Variants in MPIG6B observed in about 807,000 individuals in gnomAD.
MPIG6B encodes immunoglobulin receptor.
Under a neutral mutation model 24.2 loss-of-function variants are expected in MPIG6B, and 22 were observed. The ratio of observed to expected loss-of-function variants is 0.91; its 90% CI spans 0.65 to 1.30. The LOEUF (loss-of-function observed/expected upper bound fraction) is 1.30. Among genes scored for constraint, MPIG6B ranks in the 50% most tolerant of loss-of-function variants. MPIG6B has a pLI of 0.00. For synonymous variants in MPIG6B, 136 were observed against 142.0 expected (o/e 0.96, Z 0.30); for missense variants, 301 against 318.5 (o/e 0.94, Z 0.42).
upstream of MPIG6B, chr6:31,720,304 G>A (rs952053952): frequency 7.8e-6 from 6 of 767,118 alleles, no homozygotes; most frequent in Admixed American, 2.1e-5. The surrounding 1 kb of genome is among the most constrained non-coding windows in gnomAD (Gnocchi z 4.9). Flanking sequence ...AGCCCATCCC[G>A]TAGGTGCTCC....
upstream of MPIG6B, chr6:31,721,855 A>G: frequency 1.6e-6 from 1 of 642,342 alleles, no homozygotes; most frequent in South Asian, 1.9e-5. Context: ...GAGAAAAGAC[A>G]AGGGGTGGGA....
In MPIG6B at chr6:31,723,678, C is replaced by G; in HGVS notation, c.101C>G (p.Ser34Cys). The G allele has an allele frequency of 6.3e-7, 1 of 1,599,872 alleles. No homozygotes were observed. Among genetic ancestry groups the G allele is most frequent in the Non-Finnish European group, 8.5e-7 (1 of 1,173,838 alleles). ...DGRPGDRVNLSCGGVSHPIRW... is the reference protein window; with the variant it reads ...DGRPGDRVNLCCGGVSHPIRW... ...CGCCCTGGGGACCGGGTGAATCTCT[C>G]CTGCGGAGGAGTCTCTCATCCCATC... Residue 34 changes from serine (S) to cysteine (C), a missense_variant, in exon 2 of 6, where the codon TCC becomes TGC. Physicochemically the swap from Ser to Cys is moderately radical, Grantham distance 112. Coordinates refer to ENST00000649779, the MANE Select transcript of MPIG6B (RefSeq NM_138272.3). This position sits in a 1 kb window ranked among gnomAD's most constrained non-coding sequence, Gnocchi z 4.3.
At chr6:31,723,254 G>GC, upstream of MPIG6B, 2 of 731,918 alleles carry the variant, frequency 2.7e-6, no homozygotes, top group Admixed American at 2.1e-5. This position sits in a 1 kb window ranked among gnomAD's most constrained non-coding sequence, Gnocchi z 4.3. Context: ...GCAGCTGGTG[G>GC]CCCCGCCCCC....
In MPIG6B at chr6:31,725,112, T is replaced by C; in HGVS notation, c.*38T>C. On this transcript the variant is annotated 3_prime_UTR_variant, in exon 6 of 6. Transcript: ENST00000649779. The surrounding 1 kb of genome is among the most constrained non-coding windows in gnomAD (Gnocchi z 5.2). ...ACTCCAAACCTCCCAAGCTAGGGGA[T>C]CCCAGCTCCCCATAATCCCTCTCCC... The C allele has an allele frequency of 7.0e-7, 1 of 1,437,410 alleles. No individual in the cohort carries two copies. The highest frequency in any genetic ancestry group is 1.1e-5 in the South Asian group (1 of 87,100). The allele number at this position is 1,437,410 out of a possible 1,614,324, so 89.0% of individuals were successfully genotyped here.
In MPIG6B at chr6:31,724,639, T is replaced by TCCACC. The variant is rs1279614754; in HGVS notation, c.541+16_541+20dup. ...ACTCCCTAGATTTGGTGAGACTAATTCCACCCCATTTTCTTTCTCCTACAT... is the reference window on the plus strand; with the variant it reads ...ACTCCCTAGATTTGGTGAGACTAATTCCACCCCACCCCATTTTCTTTCTCCTACAT... On this transcript the variant is annotated intron_variant, in intron 4 of 5. Coordinates refer to ENST00000649779, the MANE Select transcript of MPIG6B (RefSeq NM_138272.3). 6.2e-7 allele frequency: 1 copy of TCCACC among 1,612,900 alleles called. No homozygotes were observed. Among genetic ancestry groups the TCCACC allele is most frequent in the Non-Finnish European group, 8.5e-7 (1 of 1,178,962 alleles).
upstream of MPIG6B, chr6:31,723,268 C>G: frequency 1.3e-6 from 1 of 744,934 alleles, no homozygotes. This position sits in a 1 kb window ranked among gnomAD's most constrained non-coding sequence, Gnocchi z 4.3. Context: ...CGCCCCCTCT[C>G]TTATCGGAGC....
Position 31,723,914 on chromosome 6 carries a change from G to C in MPIG6B, c.337G>C (p.Glu113Gln). ...SGTFFCKGRH[E>Q]DESRTVLHVL... ...CACTTTTTTCTGCAAGGGCCGCCACGAGGACGAGAGCCGTACAGTGCTTCA... is the reference window on the plus strand; with the variant it reads ...CACTTTTTTCTGCAAGGGCCGCCACCAGGACGAGAGCCGTACAGTGCTTCA... The change falls in exon 2 of 6, where the codon GAG (glutamate) becomes CAG (glutamine). Residue 113 changes from glutamate to glutamine, a missense_variant. Coordinates refer to ENST00000649779, the MANE Select transcript of MPIG6B (RefSeq NM_138272.3). This position sits in a 1 kb window ranked among gnomAD's most constrained non-coding sequence, Gnocchi z 4.3. 1 of 1,596,636 alleles carries C rather than the reference G, an allele frequency of 6.3e-7. No individual in the cohort carries two copies.
At position 31,723,423 on chromosome 6, in the gene MPIG6B, A is replaced by G; in HGVS notation, c.40A>G (p.Arg14Gly). Residue 14 changes from arginine (R) to glycine (G), a missense_variant, in exon 1 of 6, where the codon AGG becomes GGG. Transcript: ENST00000649779. This position sits in a 1 kb window ranked among gnomAD's most constrained non-coding sequence, Gnocchi z 4.3. ...GCAGCTGCTACCGCTGCTGCTCTCG[A>G]GGGCCCAAGGGAACCCTGGGGGTAA... is the stretch of plus-strand genomic sequence containing the variant. ...FLQLLPLLLSRAQGNPGASLD... is the reference protein window; with the variant it reads ...FLQLLPLLLSGAQGNPGASLD... The G allele has an allele frequency of 6.2e-7, 1 of 1,612,930 alleles. No homozygotes were observed.
At chr6:31,721,240 C>T (rs1806763074), upstream of MPIG6B, among the ~76,000 whole-genome samples, 1 of 152,060 alleles carries the variant, frequency 6.6e-6, no homozygotes, top group African/African-American at 2.4e-5. Context: ...GAGAGGACAC[C>T]TTACTGAGCA....
chr6:31,725,359 C>A lies in MPIG6B; in HGVS notation c.*285C>A, dbSNP rs1365358106. On this transcript the variant is annotated 3_prime_UTR_variant, in exon 6 of 6. Coordinates refer to ENST00000649779, the MANE Select transcript of MPIG6B (RefSeq NM_138272.3). The surrounding 1 kb of genome is among the most constrained non-coding windows in gnomAD (Gnocchi z 5.2). ...TTTTTTTTTTTTTGAGACGGAGTCT[C>A]GCTCTGTTGCCCAGGCTGGAGTGCA... 18 of 383,710 alleles carry A rather than the reference C, an allele frequency of 4.7e-5. No individual in the cohort carries two copies. The highest frequency in any genetic ancestry group is 7.4e-5 in the Non-Finnish European group (16 of 215,026). 23.8% of individuals were successfully genotyped at this position (383,710 alleles called of 1,614,324 possible). A position where few individuals can be genotyped will look rare whatever the true frequency, so the allele number is the denominator to read the frequency against.
rs561750600 is a variant in MPIG6B at position 31,726,133 on chromosome 6, C to G, written c.*1059C>G. 6.5e-6 allele frequency: 1 copy of G among 152,742 alleles called. No individual in the cohort carries two copies. Among genetic ancestry groups the G allele is most frequent in the Admixed American group, 6.5e-5 (1 of 15,312 alleles). 9.5% of individuals were successfully genotyped at this position (152,742 alleles called of 1,614,324 possible). On this transcript the variant is annotated 3_prime_UTR_variant, in exon 6 of 6. Transcript: ENST00000649779. This position sits in a 1 kb window ranked among gnomAD's most constrained non-coding sequence, Gnocchi z 5.1. ...TCTGCTCACTTCCTTCCTGGATTAC[C>G]CATAGCCCCACCTCATCCTCCTACC...
chr6:31,723,740 G>A lies in MPIG6B; in HGVS notation c.163G>A (p.Gly55Ser). ...VWAPSFPACK[G>S]LSKGRRPILW... The stretch of plus-strand genomic sequence containing the variant: ...GGCACCCAGCTTCCCGGCCTGCAAG[G>A]GCCTGTCCAAAGGACGCCGACCGAT... Residue 55 changes from glycine to serine, a missense_variant, in exon 2 of 6, where the codon GGC becomes AGC. Coordinates refer to ENST00000649779, the MANE Select transcript of MPIG6B (RefSeq NM_138272.3). This position sits in a 1 kb window ranked among gnomAD's most constrained non-coding sequence, Gnocchi z 4.3. 1.2e-6 allele frequency: 2 copies of A among 1,613,596 alleles called. No individual in the cohort carries two copies. The highest frequency in any genetic ancestry group is 1.7e-6 in the Non-Finnish European group (2 of 1,180,014).
In MPIG6B at chr6:31,723,465, T is replaced by C; in HGVS notation, c.61+21T>C. 6.2e-7 allele frequency: 1 copy of C among 1,607,432 alleles called. No homozygotes were observed. The highest frequency in any genetic ancestry group is 8.5e-7 in the Non-Finnish European group (1 of 1,175,344). On this transcript the variant is annotated intron_variant, in intron 1 of 5. Transcript: ENST00000649779. The surrounding 1 kb of genome is among the most constrained non-coding windows in gnomAD (Gnocchi z 4.3). The stretch of plus-strand genomic sequence containing the variant: ...TGGGGGTAAGCGATCCCTGGGAGAG[T>C]TGTGATAGACGCAGAGGGGCTGAAG...
At chr6:31,721,773 T>C (rs549761735), upstream of MPIG6B, 1 of 1,340,416 alleles carries the variant, frequency 7.5e-7, no homozygotes, top group African/African-American at 1.4e-5. Flanking sequence ...TTTTGGAATT[T>C]ATAAACCCAA....
At position 31,723,427 on chromosome 6, in the gene MPIG6B, C is replaced by T. The variant is rs1450444135; in HGVS notation, c.44C>T (p.Ala15Val). The T allele has an allele frequency of 5.0e-6, 8 of 1,612,874 alleles. No individual in the cohort carries two copies. Among genetic ancestry groups the T allele is most frequent in the Non-Finnish European group, 6.8e-6 (8 of 1,179,820 alleles). The change falls in exon 1 of 6, where the codon GCC becomes GTC. Residue 15 changes from alanine to valine, a missense_variant. Physicochemically the swap from Ala to Val is moderately conservative, Grantham distance 64. Transcript: ENST00000649779. This position sits in a 1 kb window ranked among gnomAD's most constrained non-coding sequence, Gnocchi z 4.3. The part of the protein sequence containing the change: ...LQLLPLLLSR[A>V]QGNPGASLDG... Reference sequence around the variant, plus strand: ...CTGCTACCGCTGCTGCTCTCGAGGGCCCAAGGGAACCCTGGGGGTAAGCGA... The same window carrying T: ...CTGCTACCGCTGCTGCTCTCGAGGGTCCAAGGGAACCCTGGGGGTAAGCGA...
chr6:31,724,998 T>G lies in MPIG6B; in HGVS notation c.650T>G (p.Leu217Arg), dbSNP rs1158735165. The change falls in exon 6 of 6, where the codon CTA (leucine) becomes CGA (arginine). Residue 217 changes from leucine (L) to arginine (R), a missense_variant. Physicochemically the swap from Leu to Arg is moderately radical, Grantham distance 102. Transcript: ENST00000649779. ...CTGCTCTATGCGGATCTGGACCATC[T>G]AGCCCTCAGCAGGCCCCGCCGGCTG... ...PSLLYADLDH[L>R]ALSRPRRLST... is the part of the protein sequence containing the mutation. 2 of 1,613,740 alleles carry G rather than the reference T, an allele frequency of 1.2e-6. No homozygotes were observed. Among genetic ancestry groups the G allele is most frequent in the Non-Finnish European group, 1.7e-6 (2 of 1,179,926 alleles).
intron 3 of MPIG6B, 122 bp from the exon 4 acceptor site, chr6:31,724,465 T>G: frequency 6.8e-6 from 6 of 883,458 alleles, no homozygotes; most frequent in South Asian, 2.8e-5. Flanking sequence ...GTCGGTGGGG[T>G]AGAGTCTAAG....
Position 31,723,815 on chromosome 6 carries a change from T to G in MPIG6B, c.238T>G (p.Phe80Val). 6.2e-7 allele frequency: 1 copy of G among 1,613,740 alleles called. No homozygotes were observed. Among genetic ancestry groups the G allele is most frequent in the Non-Finnish European group, 8.5e-7 (1 of 1,179,856 alleles). ...GTPTVPPLQP[F>V]VGRLRSLDSG... The stretch of plus-strand genomic sequence containing the variant: ...CCCCACCGTGCCTCCCCTCCAGCCT[T>G]TCGTCGGCCGCCTACGCTCCCTGGA... The change falls in exon 2 of 6, where the codon TTC becomes GTC. Residue 80 changes from phenylalanine (F) to valine (V), a missense_variant. Physicochemically the swap from Phe to Val is conservative, Grantham distance 50. Coordinates refer to ENST00000649779, the MANE Select transcript of MPIG6B (RefSeq NM_138272.3). This position sits in a 1 kb window ranked among gnomAD's most constrained non-coding sequence, Gnocchi z 4.3.
rs770605562 is a variant in MPIG6B at position 31,724,751 on chromosome 6, T to TC, written c.542-7dup. 2.2e-5 allele frequency: 35 copies of TC among 1,612,942 alleles called. No individual in the cohort carries two copies. The highest frequency in any genetic ancestry group is 9.4e-5 in the African/African-American group (7 of 74,624). ...ACCTTCTCTCCATCCTTCAGCTCTG[T>TC]CCCCCCCACATAGCTCCACTTGTGA... On this transcript the variant is annotated splice_polypyrimidine_tract_variant and intron_variant, in intron 4 of 5. Coordinates refer to ENST00000649779, the MANE Select transcript of MPIG6B (RefSeq NM_138272.3).
Sources: allele counts gnomAD v4.1 joint callset (sites outside exome capture counted in the v4.1 genomes callset), GRCh38; gene constraint gnomAD v4.1.1; non-coding constraint Gnocchi (gnomAD v3.1); transcripts MANE v1.5; gene names NCBI Gene and HGNC (gene_info 2026-07-23, HGNC 2026-07-21).